Variants in MATR3 observed in about 807,000 individuals in gnomAD.
MATR3 encodes matrin-3.
In MATR3, 4 loss-of-function variants were observed where a neutral mutation model predicts 85.5. The ratio of observed to expected loss-of-function variants is 0.05; its 90% CI spans 0.02 to 0.11. The LOEUF (loss-of-function observed/expected upper bound fraction) is 0.11, where lower values mean the gene tolerates loss of function less well. Ranked by LOEUF, MATR3 falls within the 10% of genes least tolerant of loss-of-function variation. The pLI, the probability that MATR3 is intolerant of heterozygous loss-of-function variation, is 1.00. For missense variants in MATR3, 685 were observed against 1,016.1 expected, an observed-to-expected ratio of 0.67 and a Z score of 4.43; for synonymous variants, 336 against 343.1, an observed-to-expected ratio of 0.98 and a Z score of 0.23.
intron 1 of MATR3, among the ~76,000 whole-genome samples, chr5:139,298,442 C>T (rs1028909269): frequency 9.2e-5 from 14 of 152,242 alleles, no homozygotes; most frequent in Middle Eastern, 3.4e-3. Context: ...CGTGATGGCG[C>T]GTTCCTGTAA....
At chr5:139,286,201 C>G (rs1488430754) in intron 3 of MATR3, among the ~76,000 whole-genome samples, 1 of 152,090 alleles carries the variant, frequency 6.6e-6, no homozygotes, top group Non-Finnish European at 1.5e-5. Flanking sequence ...TTTAAGTAGC[C>G]TTAAAAAATG....
chr5:139,307,188 AC>A lies in MATR3; in HGVS notation c.-177-50del. 1.2e-5 allele frequency: 15 copies of A among 1,201,548 alleles called. No homozygotes were observed. The highest frequency in any genetic ancestry group is 1.5e-5 in the Non-Finnish European group (15 of 968,180). The allele number at this position is 1,201,548 out of a possible 1,614,324, so 74.4% of individuals were successfully genotyped here. On this transcript the variant is annotated intron_variant, in intron 1 of 14. Coordinates refer to ENST00000394805, the MANE Select transcript of MATR3 (RefSeq NM_018834.6). This position sits in a 1 kb window ranked among gnomAD's most constrained non-coding sequence, Gnocchi z 4.4. ...GCATAAGTTTTTTTTTCTTAAAAAA[AC>A]GGCATCTGCTTAAAGGGATTTATGA...
chr5:139,293,272 A>G (rs1238841198), upstream of MATR3: 1 of 152,086 alleles, frequency 6.6e-6, no homozygotes, highest in Non-Finnish European at 1.5e-5. Context: ...AAATAAACAT[A>G]CCTAAATAAA....
chr5:139,291,745 G>A (rs1358124828), upstream of MATR3, among the ~76,000 whole-genome samples: 1 of 151,984 alleles, frequency 6.6e-6, no homozygotes, highest in Non-Finnish European at 1.5e-5. Context: ...CTCCATGTTG[G>A]TCAGGCTAGT....
rs375316596 is a variant in MATR3, at chr5:139,318,834, GA to G, written c.1309-66del. 8.2e-5 allele frequency: 117 copies of G among 1,424,886 alleles called. 1 individual carries two copies. The East Asian group carries it at 1.5e-3, about 18-fold the overall frequency. 88.3% of individuals were successfully genotyped at this position (1,424,886 alleles called of 1,614,324 possible). On this transcript the variant is annotated intron_variant, in intron 7 of 14. Transcript: ENST00000394805. ...GATTTGGGGCATTGTTATTTTTTAG[GA>G]AAAAAAATCTTTAGTTCAATGTGAG...
chr5:139,315,243 A>G (rs976949410), intron 3 of MATR3: 2 of 214,448 alleles, frequency 9.3e-6, no homozygotes, highest in East Asian at 2.5e-4. Flanking sequence ...CTTAAGCAGC[A>G]CACAGTGCCC....
intron 2 of MATR3, among the ~76,000 whole-genome samples, chr5:139,308,927 T>C (rs1754835686): frequency 6.6e-6 from 1 of 152,174 alleles, no homozygotes; most frequent in Admixed American, 6.5e-5. Flanking sequence ...TTTCTCCTTT[T>C]CCACAACTTT....
intron 3 of MATR3, chr5:139,279,536 C>G (rs1753435841): frequency 5.5e-6 from 1 of 180,892 alleles, no homozygotes; most frequent in Admixed American, 5.5e-5. Context: ...GACGGAGTCT[C>G]ACTGTCTCCC....
In MATR3 at chr5:139,275,576, CATT is replaced by C. The variant is rs537920723; in HGVS notation, c.-286-542_-286-540del. Among the ~76,000 whole-genome samples, 275 of 152,312 alleles carry C rather than the reference CATT, an allele frequency of 1.8e-3. 2 individuals carry two copies. Among genetic ancestry groups the C allele is most frequent in the African/African-American group, 6.3e-3 (262 of 41,558 alleles). On this transcript the variant is annotated intron_variant, in intron 1 of 16. Coordinates refer to ENST00000509990, the Ensembl canonical transcript of MATR3. ...TACTGAGTGCCCACACTATACCAGA[CATT>C]ATCCTGAGGATTAGCTTATATTTCA...
chr5:139,319,888 T>TAA (rs1311994559), intron 9 of MATR3, among the ~76,000 whole-genome samples: 2 of 106,380 alleles, frequency 1.9e-5, no homozygotes, highest in Non-Finnish European at 3.6e-5. Flanking sequence ...TTTTTTTTTT[T>TAA]AAAGTATATC....
intron 1 of MATR3, among the ~76,000 whole-genome samples, chr5:139,306,273 G>A (rs1314100434): frequency 1.3e-5 from 2 of 152,034 alleles, no homozygotes; most frequent in Non-Finnish European, 2.9e-5. Flanking sequence ...ACACGTCTTG[G>A]GGGATCATAA....
At chr5:139,323,404 C>T (rs1441300502) in intron 12 of MATR3, among the ~76,000 whole-genome samples, 1 of 152,098 alleles carries the variant, frequency 6.6e-6, no homozygotes. Flanking sequence ...AAATGTTGGC[C>T]TGGTCAGATA....
chr5:139,290,594 C>T (rs185012418), upstream of MATR3, among the ~76,000 whole-genome samples: 482 of 151,552 alleles, frequency 3.2e-3, 3 homozygotes, highest in African/African-American at 0.011. Context: ...ACTACAGGTG[C>T]GTATGCCACC....
chr5:139,276,595 G>A (rs551535484), intron 2 of MATR3, among the ~76,000 whole-genome samples: 22 of 152,266 alleles, frequency 1.4e-4, no homozygotes, highest in Non-Finnish European at 2.4e-4. Context: ...GAATAGTTCT[G>A]GTCCAACAGG....
chr5:139,283,866 C>T (rs1409334298), intron 3 of MATR3, among the ~76,000 whole-genome samples: 2 of 152,234 alleles, frequency 1.3e-5, no homozygotes, highest in African/African-American at 4.8e-5. Context: ...CCTGTCTACA[C>T]ATGCTGTTTT....
intron 3 of MATR3, among the ~76,000 whole-genome samples, chr5:139,287,241 A>G (rs375325061): frequency 1.1e-4 from 17 of 152,204 alleles, no homozygotes; most frequent in African/African-American, 4.1e-4. Flanking sequence ...TATGTCCCCA[A>G]TCTTTTCTTG....
At position 139,331,581 on chromosome 5, in the gene MATR3, G is replaced by T. The variant is rs573956239; in HGVS notation, c.*2186G>T. Reference sequence around the variant, plus strand: ...AGGAATGTTTCCACTCATGTTTGCTGTAAAGTTTAAGAACATTTTTCCTAC... The same window carrying T: ...AGGAATGTTTCCACTCATGTTTGCTTTAAAGTTTAAGAACATTTTTCCTAC... On this transcript the variant is annotated 3_prime_UTR_variant, in exon 15 of 15. Coordinates refer to ENST00000394805, the MANE Select transcript of MATR3 (RefSeq NM_018834.6). 26 of 454,110 alleles carry T rather than the reference G, an allele frequency of 5.7e-5. No homozygotes were observed. The Admixed American group carries it at 5.9e-4, about 10-fold the overall frequency. The allele number at this position is 454,110 out of a possible 1,614,324, so 28.1% of individuals were successfully genotyped here. A position where few individuals can be genotyped will look rare whatever the true frequency, so the allele number is the denominator to read the frequency against.
At chr5:139,317,539 G>T in intron 6 of MATR3, 57 bp from the exon 7 acceptor site, 1 of 1,549,788 alleles carries the variant, frequency 6.5e-7, no homozygotes, top group South Asian at 1.1e-5. Flanking sequence ...ATGCGTAATT[G>T]GTTTCATATT....
At position 139,322,054 on chromosome 5, in the gene MATR3, A is replaced by AT. The variant is rs747250678; in HGVS notation, c.1734+28dup. On this transcript the variant is annotated intron_variant, in intron 10 of 14. Transcript: ENST00000394805. ...GGTATGTAGTATTTGATTTGTCATC[A>AT]TTTAACAGCTTGTTTTTACATATTT... 2.9e-5 allele frequency: 46 copies of AT among 1,611,396 alleles called. No homozygotes were observed. In the Middle Eastern group the frequency reaches 4.9e-4, roughly 17 times the overall value.
Sources: gnomAD v4.1 joint callset for allele counts (sites outside exome capture counted in the v4.1 genomes callset) on GRCh38, gnomAD v4.1.1 for gene constraint, Gnocchi (gnomAD v3.1) non-coding constraint, MANE v1.5 for transcripts, NCBI Gene and HGNC (gene_info 2026-07-23, HGNC 2026-07-21) for gene names.